Variants in ADAMTSL3 observed in about 807,000 individuals in gnomAD.
The protein encoded by ADAMTSL3 is ADAMTS-like protein 3.
ADAMTSL3 carries 128 observed loss-of-function variants against 201.7 expected under a neutral mutation model. The observed-to-expected ratio is 0.63, with a 90% CI of 0.55 to 0.73. The LOEUF (loss-of-function observed/expected upper bound fraction) is 0.73, where lower values mean the gene tolerates loss of function less well. Among genes scored for constraint, ADAMTSL3 ranks in the 30% least tolerant of loss-of-function variants. ADAMTSL3 has a pLI of 0.00. For missense variants in ADAMTSL3, 1,990 were observed against 2,119.6 expected, an observed-to-expected ratio of 0.94 and a Z score of 1.20; for synonymous variants, 738 against 748.4, an observed-to-expected ratio of 0.99 and a Z score of 0.23.
intron 6 of ADAMTSL3, among the ~76,000 whole-genome samples, chr15:83,831,942 A>G (rs916044866): frequency 1.3e-5 from 2 of 152,170 alleles, no homozygotes; most frequent in African/African-American, 4.8e-5. Flanking sequence ...GTATTGACTG[A>G]GAGGTAGAAA....
At chr15:84,010,211 T>C (rs1176807001) in intron 23 of ADAMTSL3, among the ~76,000 whole-genome samples, 1 of 152,204 alleles carries the variant, frequency 6.6e-6, no homozygotes, top group Non-Finnish European at 1.5e-5. Flanking sequence ...TGGAGGCCAG[T>C]GAAGTATTTG....
At chr15:83,818,663 T>C (rs2063806833) in intron 5 of ADAMTSL3, among the ~76,000 whole-genome samples, 2 of 152,200 alleles carry the variant, frequency 1.3e-5, no homozygotes, top group Admixed American at 1.3e-4. Context: ...TCTTTAATTA[T>C]GAAGTTTGCA....
At chr15:84,032,165 A>G (rs1340728916) in intron 28 of ADAMTSL3, among the ~76,000 whole-genome samples, 2 of 152,200 alleles carry the variant, frequency 1.3e-5, no homozygotes, top group African/African-American at 2.4e-5. Context: ...AAAGTGGGAT[A>G]TTATCATCCA....
chr15:83,864,900 G>A (rs1024736000), intron 8 of ADAMTSL3, among the ~76,000 whole-genome samples: 8 of 152,082 alleles, frequency 5.3e-5, no homozygotes, highest in African/African-American at 1.4e-4. Flanking sequence ...TAAGCTGATA[G>A]GCAACTTCAG....
chr15:83,950,650 C>A (rs918579067), intron 19 of ADAMTSL3, among the ~76,000 whole-genome samples: 1 of 151,948 alleles, frequency 6.6e-6, no homozygotes, highest in Non-Finnish European at 1.5e-5. Flanking sequence ...GAATATCTTT[C>A]CATTTTTTAT....
intron 23 of ADAMTSL3, among the ~76,000 whole-genome samples, chr15:83,996,510 G>A (rs750860312): frequency 1.1e-4 from 16 of 152,014 alleles, no homozygotes; most frequent in East Asian, 5.8e-4. Flanking sequence ...GTCCGGGCGC[G>A]GTGGCTCATG....
intron 4 of ADAMTSL3, among the ~76,000 whole-genome samples, chr15:83,801,676 A>ATATATATATATATT (rs2063525769): frequency 1.3e-5 from 1 of 77,094 alleles, no homozygotes; most frequent in Admixed American, 1.5e-4. Context: ...ATATATATAT[A>ATATATATATATATT]TATATATATA....
At position 83,920,939 on chromosome 15, in the gene ADAMTSL3, C is replaced by T. The variant is rs538159674; in HGVS notation, c.1988-2965C>T. ...TTTAACATTATTTTCAAGTTTCCCC[C>T]CACTTATTGTTATATTCAATCCAAG... On this transcript the variant is annotated intron_variant, in intron 16 of 29. Coordinates refer to ENST00000286744, the MANE Select transcript of ADAMTSL3 (RefSeq NM_207517.3). 7.9e-5 allele frequency among the ~76,000 whole-genome samples: 12 copies of T among 152,214 alleles called. No homozygotes were observed. The South Asian group carries it at 2.5e-3, about 32-fold the overall frequency.
chr15:83,960,520 T>C (rs900474701), intron 19 of ADAMTSL3, among the ~76,000 whole-genome samples: 1 of 151,986 alleles, frequency 6.6e-6, no homozygotes, highest in Non-Finnish European at 1.5e-5. Context: ...GAAAAAAAAC[T>C]GAGGATGTCC....
chr15:83,795,254 ACAG>A (rs1023785083), intron 4 of ADAMTSL3, among the ~76,000 whole-genome samples: 5 of 97,320 alleles, frequency 5.1e-5, no homozygotes, highest in Non-Finnish European at 8.8e-5. Flanking sequence ...AACAACAACA[ACAG>A]CAGCAGCAAC....
chr15:83,892,788 AG>A lies in ADAMTSL3; in HGVS notation c.1369del (p.Val457TrpfsTer36). 2 of 1,614,174 alleles carry A rather than the reference AG, an allele frequency of 1.2e-6. No homozygotes were observed. The highest frequency in any genetic ancestry group is 1.7e-6 in the Non-Finnish European group (2 of 1,180,014). ...VEESMHGEIL[Q>X]VEEWKCMYAP... ...GAATCCATGCATGGAGAGATATTGC[AG>A]GTGGAAGAATGGAAGTGCATGTACG... On this transcript the variant is annotated frameshift_variant, in exon 13 of 30. Transcript: ENST00000286744. LOFTEE classifies it high-confidence loss of function.
chr15:83,742,261 G>C (rs566245405), intron 3 of ADAMTSL3, among the ~76,000 whole-genome samples: 11 of 152,088 alleles, frequency 7.2e-5, no homozygotes, highest in Non-Finnish European at 1.2e-4. Context: ...AAAATAAAAT[G>C]TGTGATTCTA....
Position 83,873,746 on chromosome 15 carries a change from G to A in ADAMTSL3, c.960+2787G>A, listed in dbSNP as rs547549208. Among the ~76,000 whole-genome samples the A allele has an allele frequency of 2.7e-5, 4 of 145,634 alleles. No homozygotes were observed. The South Asian group carries it at 8.5e-4, about 31-fold the overall frequency. ...GTAATACACTTTTGCAAATGTTAAT[G>A]TGCATTTCTCTTTTGCCATTCTCTG... On this transcript the variant is annotated intron_variant, in intron 9 of 29. Coordinates refer to ENST00000286744, the MANE Select transcript of ADAMTSL3 (RefSeq NM_207517.3).
rs564380620 is a variant in ADAMTSL3 at position 83,995,909 on chromosome 15, A to G, written c.3973+4695A>G. On this transcript the variant is annotated intron_variant, in intron 23 of 29. Transcript: ENST00000286744. ...AAGCTTGAGGGCTTACAGCAGTGTA[A>G]GAGGGATAGACAAATAAATGGAACA... is the stretch of plus-strand genomic sequence containing the variant. Among the ~76,000 whole-genome samples, 3 of 152,344 alleles carry G rather than the reference A, an allele frequency of 2.0e-5. No homozygotes were observed. In the East Asian group the frequency reaches 5.8e-4, roughly 29 times the overall value.
chr15:83,820,422 G>A (rs979736691), intron 6 of ADAMTSL3, among the ~76,000 whole-genome samples: 7 of 152,130 alleles, frequency 4.6e-5, no homozygotes, highest in Non-Finnish European at 1.0e-4. Context: ...AGAGTCACCT[G>A]GAGGGCTTGT....
intron 3 of ADAMTSL3, among the ~76,000 whole-genome samples, chr15:83,763,941 C>T (rs932846687): frequency 1.3e-5 from 2 of 152,214 alleles, no homozygotes; most frequent in Non-Finnish European, 2.9e-5. Flanking sequence ...GTAAACTGCT[C>T]TCATTCTGTA....
At chr15:83,661,239 G>C (rs894418944) in intron 2 of ADAMTSL3, among the ~76,000 whole-genome samples, 4 of 152,016 alleles carry the variant, frequency 2.6e-5, no homozygotes, top group African/African-American at 9.7e-5. Flanking sequence ...TTGTTCTTTT[G>C]GCTTAGGATT....
At chr15:84,034,502 A>C (rs1176432786) in intron 28 of ADAMTSL3, among the ~76,000 whole-genome samples, 1 of 152,190 alleles carries the variant, frequency 6.6e-6, no homozygotes, top group Non-Finnish European at 1.5e-5. Context: ...GAGCTAGCCC[A>C]GACTTATGGC....
At chr15:83,895,359 A>C (rs865820890) in intron 13 of ADAMTSL3, among the ~76,000 whole-genome samples, 1 of 152,216 alleles carries the variant, frequency 6.6e-6, no homozygotes. Flanking sequence ...TTCAGCTCTC[A>C]TAAGTCCTAG....
Sources: allele counts gnomAD v4.1 joint callset (sites outside exome capture counted in the v4.1 genomes callset), GRCh38; gene constraint gnomAD v4.1.1; transcripts MANE v1.5; gene names NCBI Gene and HGNC (gene_info 2026-07-23, HGNC 2026-07-21).